Variants in CPA6 observed in about 807,000 individuals in gnomAD.
The protein encoded by CPA6 is carboxypeptidase B.
CPA6 carries 58 observed loss-of-function variants against 63.3 expected under a neutral mutation model. That is an observed-to-expected ratio of 0.92 (90% CI 0.74 to 1.14). The LOEUF (loss-of-function observed/expected upper bound fraction) is 1.14. Among genes scored for constraint, CPA6 ranks in the 50% most tolerant of loss-of-function variants. CPA6 has a pLI of 0.00. For missense variants in CPA6, 565 were observed against 526.6 expected (o/e 1.07, Z -0.71); for synonymous variants, 185 against 179.0 (o/e 1.03, Z -0.27).
intron 2 of CPA6, among the ~76,000 whole-genome samples, chr8:67,579,303 C>T (rs1813706267): frequency 6.6e-6 from 1 of 152,212 alleles, no homozygotes; most frequent in African/African-American, 2.4e-5. Context: ...ATCCCAGCTG[C>T]TTGGGAGGCT....
At chr8:67,570,883 C>T (rs1041953965) in intron 2 of CPA6, among the ~76,000 whole-genome samples, 4 of 152,018 alleles carry the variant, frequency 2.6e-5, no homozygotes, top group African/African-American at 9.7e-5. Flanking sequence ...TTAAATTCCC[C>T]AATTCAAAGA....
At chr8:67,493,875 C>G (rs1250346611) in intron 6 of CPA6, among the ~76,000 whole-genome samples, 1 of 151,966 alleles carries the variant, frequency 6.6e-6, no homozygotes, top group East Asian at 1.9e-4. Flanking sequence ...TCTAGGAGAA[C>G]TTTCCATTTC....
chr8:67,464,288 T>C (rs1421497627), intron 8 of CPA6, among the ~76,000 whole-genome samples: 1 of 152,236 alleles, frequency 6.6e-6, no homozygotes, highest in Non-Finnish European at 1.5e-5. Context: ...TTTTTTCATA[T>C]GTTTGTTGGC....
chr8:67,423,675 T>C (rs1394029154), intron 10 of CPA6, among the ~76,000 whole-genome samples: 1 of 152,238 alleles, frequency 6.6e-6, no homozygotes, highest in African/African-American at 2.4e-5. Flanking sequence ...GTAGAGATAC[T>C]ATAAAGTCAC....
chr8:67,589,405 AAT>A (rs1814042857), intron 2 of CPA6, among the ~76,000 whole-genome samples: 1 of 152,182 alleles, frequency 6.6e-6, no homozygotes, highest in Admixed American at 6.5e-5. Context: ...TGGAGAAGGA[AAT>A]ATAGACAGAC....
intron 1 of CPA6, among the ~76,000 whole-genome samples, chr8:67,686,450 T>C (rs1227815445): frequency 6.6e-6 from 1 of 152,180 alleles, no homozygotes; most frequent in Non-Finnish European, 1.5e-5. Flanking sequence ...CATGTACATA[T>C]ATACGCATAG....
chr8:67,574,082 G>GA (rs1375792394), intron 2 of CPA6, among the ~76,000 whole-genome samples: 1 of 151,848 alleles, frequency 6.6e-6, no homozygotes, highest in African/African-American at 2.4e-5. Flanking sequence ...CGTAGCTGTA[G>GA]AAAAAGCAAA....
At chr8:67,573,197 C>T (rs1299903368) in intron 2 of CPA6, among the ~76,000 whole-genome samples, 2 of 152,196 alleles carry the variant, frequency 1.3e-5, no homozygotes, top group Non-Finnish European at 2.9e-5. Flanking sequence ...GAAACCTTTC[C>T]TCTAAGATCC....
chr8:67,618,932 C>G (rs886296224), intron 2 of CPA6, among the ~76,000 whole-genome samples: 8 of 152,078 alleles, frequency 5.3e-5, no homozygotes, highest in African/African-American at 1.9e-4. Context: ...TTGGTTGGTG[C>G]TTTCTCAATC....
At chr8:67,676,914 A>C (rs900702229) in intron 1 of CPA6, among the ~76,000 whole-genome samples, 1 of 152,192 alleles carries the variant, frequency 6.6e-6, no homozygotes, top group African/African-American at 2.4e-5. Context: ...TTCTTCCTCA[A>C]AACTTGGGAA....
rs1389646577 is a variant in CPA6, at chr8:67,422,585, C to G, written c.1233G>C (p.Glu411Asp). 6.2e-7 allele frequency: 1 copy of G among 1,614,118 alleles called. No homozygotes were observed. Among genetic ancestry groups the G allele is most frequent in the Non-Finnish European group, 8.5e-7 (1 of 1,179,988 alleles). The stretch of plus-strand genomic sequence containing the variant: ...CTGTACAGGTGGGTTTGATGAGCAT[C>G]TCTGGGAGTAAAAATCCAAAATATC... ...DTGYFGFLLP[E>D]MLIKPTCTET... The change falls in exon 11 of 11, where the codon GAG (glutamate) becomes GAC (aspartate). Residue 411 changes from glutamate (E) to aspartate (D), a missense_variant. Physicochemically the swap from Glu to Asp is conservative, Grantham distance 45 (BLOSUM62 2). Transcript: ENST00000297770.
chr8:67,478,193 T>C (rs771873154), intron 8 of CPA6, among the ~76,000 whole-genome samples: 42 of 152,212 alleles, frequency 2.8e-4, no homozygotes, highest in East Asian at 5.8e-4. Context: ...CCAAAAGAAC[T>C]GGATTCCGAG....
At chr8:67,498,911 A>G (rs1261889931) in intron 6 of CPA6, among the ~76,000 whole-genome samples, 1 of 152,240 alleles carries the variant, frequency 6.6e-6, no homozygotes, top group Non-Finnish European at 1.5e-5. Context: ...ACGTTTTCCA[A>G]GAGAATTAAA....
chr8:67,496,634 G>A (rs1330683571), intron 6 of CPA6, among the ~76,000 whole-genome samples: 2 of 148,626 alleles, frequency 1.3e-5, no homozygotes, highest in Non-Finnish European at 3.0e-5. Flanking sequence ...AATCTTGGCA[G>A]ATTGCAACCT....
chr8:67,625,962 CTTG>C (rs1248461354), intron 1 of CPA6, among the ~76,000 whole-genome samples: 2 of 152,102 alleles, frequency 1.3e-5, no homozygotes, highest in African/African-American at 4.8e-5. Context: ...ATATTTTCCC[CTTG>C]TTGTTCTCGT....
chr8:67,594,941 AG>A (rs1452106619), intron 2 of CPA6, among the ~76,000 whole-genome samples: 2 of 152,060 alleles, frequency 1.3e-5, no homozygotes, highest in African/African-American at 4.8e-5. Context: ...GTTCCTTTGG[AG>A]GAGGAGGGGC....
chr8:67,732,554 G>C (rs1817725916), intron 1 of CPA6: 1 of 152,208 alleles, frequency 6.6e-6, no homozygotes, highest in Non-Finnish European at 1.5e-5. Context: ...ACATACAACT[G>C]TAATACCGAG....
chr8:67,601,408 A>G (rs1251038575), intron 2 of CPA6, among the ~76,000 whole-genome samples: 1 of 152,196 alleles, frequency 6.6e-6, no homozygotes, highest in Non-Finnish European at 1.5e-5. Flanking sequence ...GTTCTTTGAC[A>G]GCACTGGAAA....
intron 6 of CPA6, among the ~76,000 whole-genome samples, chr8:67,493,795 T>C (rs1243991362): frequency 6.6e-6 from 1 of 152,142 alleles, no homozygotes; most frequent in Non-Finnish European, 1.5e-5. Context: ...TTTCTTTCTT[T>C]TTTTTTGTAC....
Sources: allele counts gnomAD v4.1 joint callset (sites outside exome capture counted in the v4.1 genomes callset), GRCh38; gene constraint gnomAD v4.1.1; transcripts MANE v1.5; gene names NCBI Gene and HGNC (gene_info 2026-07-23, HGNC 2026-07-21).